B4GALNT4: variants seen among roughly 807,000 people sequenced by gnomAD.
The protein encoded by B4GALNT4 is N-acetyl-beta-glucosaminyl-glycoprotein 4-beta-N-acetylgalactosaminyltransferase 1.
Under a neutral mutation model 110.0 loss-of-function variants are expected in B4GALNT4, and 77 were observed. The ratio of observed to expected loss-of-function variants is 0.70; its 90% confidence interval spans 0.58 to 0.85. B4GALNT4 has a LOEUF of 0.85. B4GALNT4 is among the 40% of genes least tolerant of loss of function. The probability of loss-of-function intolerance (pLI) is 0.00; values close to 1 mark genes in which losing one functional copy is unlikely to be tolerated. For synonymous variants in B4GALNT4, 785 were observed against 655.5 expected (o/e 1.20, Z -3.02); for missense variants, 1,575 against 1,506.0 (o/e 1.05, Z -0.76).
chr11:377,015 T>C lies in B4GALNT4; in HGVS notation c.1892T>C (p.Leu631Ser). 1.4e-6 allele frequency: 2 copies of C among 1,443,920 alleles called. No homozygotes were observed. The highest frequency in any genetic ancestry group is 1.8e-6 in the Non-Finnish European group (2 of 1,102,210). The allele number at this position is 1,443,920 out of a possible 1,614,324, so 89.4% of individuals were successfully genotyped here. A position where few individuals can be genotyped will look rare whatever the true frequency, so the allele number is the denominator to read the frequency against. ...CGGCCCGTGACCTCCTTCCTGAGCT[T>C]GTCCCAGGTGTCCGGGCCGCAGCTG... Reference protein sequence around the residue: ...EARPVTSFLSLSQVSGPQLPG... With the variant: ...EARPVTSFLSSSQVSGPQLPG... Residue 631 changes from leucine to serine, a missense_variant, in exon 14 of 20, where the codon TTG becomes TCG. By Grantham distance (145) the Leu-to-Ser change is moderately radical. Coordinates refer to ENST00000329962, the MANE Select transcript of B4GALNT4 (RefSeq NM_178537.5).
chr11:381,204 C>T (rs1846868771), intron 19 of B4GALNT4: 2 of 935,936 alleles, frequency 2.1e-6, no homozygotes, highest in Non-Finnish European at 2.5e-6. Context: ...CCCATAGGCC[C>T]TGGGTGGCCC....
Position 380,028 on chromosome 11 carries a change from C to T in B4GALNT4, c.2642+9C>T, listed in dbSNP as rs556587237. 6.2e-7 allele frequency: 1 copy of T among 1,610,770 alleles called. No individual in the cohort carries two copies. Among genetic ancestry groups the T allele is most frequent in the Non-Finnish European group, 8.5e-7 (1 of 1,178,262 alleles). On this transcript the variant is annotated intron_variant, in intron 16 of 19. Transcript: ENST00000329962. ...GCCGCGCGCCTGCCCCGGTAACGAC[C>T]CCTACTTCCACCTGGGCGGACCCAG...
intron 1 of B4GALNT4, 82 bp from the exon 2 acceptor site, chr11:372,027 C>G (rs1285398211): frequency 6.7e-6 from 8 of 1,189,642 alleles, no homozygotes; most frequent in Admixed American, 2.1e-5. Context: ...ATGTGGGTCC[C>G]TGGCCCAGCT....
At chr11:370,371 G>T (rs1846595628) in intron 1 of B4GALNT4, among the ~76,000 whole-genome samples, 1 of 152,108 alleles carries the variant, frequency 6.6e-6, no homozygotes, top group African/African-American at 2.4e-5. Flanking sequence ...CGCTTAGCAG[G>T]GCCTCAGTTT....
rs745437258 is a variant in B4GALNT4 at position 377,342 on chromosome 11, G to A, written c.2204+15G>A. 3.0e-5 allele frequency: 45 copies of A among 1,490,614 alleles called. No homozygotes were observed. The South Asian group carries it at 4.5e-4, about 15-fold the overall frequency. 92.3% of individuals were successfully genotyped at this position (1,490,614 alleles called of 1,614,324 possible). ...CGCCACGGCGGGTATGGGGGCGGCC[G>A]AACGCGCGCCAGGGCGGTTTTGGAG... On this transcript the variant is annotated intron_variant, in intron 14 of 19. Transcript: ENST00000329962.
In B4GALNT4 at chr11:369,640, G is replaced by A. The variant is rs1156734742; in HGVS notation, c.-164G>A. 6.9e-6 allele frequency among the ~76,000 whole-genome samples: 1 copy of A among 144,422 alleles called. No individual in the cohort carries two copies. Among genetic ancestry groups the A allele is most frequent in the African/African-American group, 2.5e-5 (1 of 40,258 alleles). The allele number at this position is 144,422 out of a possible 152,430, so 94.7% of individuals were successfully genotyped here. ...CCCGCGGCCGAGGGCGGCCTGGGGG[G>A]GTCGCGGCCGCACCCGGTGGCCGCG... On this transcript the variant is annotated 5_prime_UTR_variant, in exon 1 of 20. Coordinates refer to ENST00000329962, the MANE Select transcript of B4GALNT4 (RefSeq NM_178537.5).
intron 15 of B4GALNT4, 45 bp downstream of exon 15, chr11:379,746 A>T: frequency 1.3e-6 from 2 of 1,503,990 alleles, no homozygotes; most frequent in Non-Finnish European, 1.8e-6. Flanking sequence ...TCGTGGAAGG[A>T]ACATGGACCC....
At chr11:371,608 CTT>C (rs1006381215) in intron 1 of B4GALNT4, among the ~76,000 whole-genome samples, 1 of 152,260 alleles carries the variant, frequency 6.6e-6, no homozygotes. Flanking sequence ...TCAGTCCAGA[CTT>C]TGAGAGCTCA....
intron 1 of B4GALNT4, among the ~76,000 whole-genome samples, chr11:370,958 G>T (rs1357393228): frequency 3.3e-5 from 5 of 152,132 alleles, no homozygotes; most frequent in African/African-American, 1.2e-4. Flanking sequence ...ACCCTCAAGA[G>T]ACCCCCGATA....
chr11:371,817 G>A (rs1350496688), intron 1 of B4GALNT4, among the ~76,000 whole-genome samples: 1 of 152,236 alleles, frequency 6.6e-6, no homozygotes, highest in Admixed American at 6.5e-5. Context: ...CACGCCAGCT[G>A]GCCCACCCGG....
In B4GALNT4 at chr11:376,260, C is replaced by T. The variant is rs761632342; in HGVS notation, c.1206C>T (p.Phe402=). ...CCCCGCCGCGCCCCAGGTTTGGGTT[C>T]TATAAATACATGAAGATGGACAAGG... ...ESPLYLERFG[F]YKYMKMDKEE... is the part of the protein sequence containing the mutation. The change falls in exon 13 of 20, where the codon TTC becomes TTT. Residue 402 remains phenylalanine, a synonymous_variant. Coordinates refer to ENST00000329962, the MANE Select transcript of B4GALNT4 (RefSeq NM_178537.5). 9 of 1,609,250 alleles carry T rather than the reference C, an allele frequency of 5.6e-6. No individual in the cohort carries two copies. In the African/African-American group the frequency reaches 1.1e-4, roughly 19 times the overall value.
chr11:376,203 C>A, intron 12 of B4GALNT4, 29 bp downstream of exon 12: 1 of 197,862 alleles, frequency 5.1e-6, no homozygotes, highest in Non-Finnish European at 9.9e-6. Context: ...TAATGCGGGG[C>A]GGGGTGGGCG....
At chr11:374,113 A>G (rs947841142) in intron 8 of B4GALNT4, among the ~76,000 whole-genome samples, 1 of 151,670 alleles carries the variant, frequency 6.6e-6, no homozygotes, top group African/African-American at 2.4e-5. Context: ...CACCACAAGA[A>G]CAGCGAAGGA....
At chr11:377,447 TG>T (rs2133575982) in intron 14 of B4GALNT4, 120 bp downstream of exon 14, 1 of 1,149,250 alleles carries the variant, frequency 8.7e-7, no homozygotes, top group Non-Finnish European at 1.1e-6. Flanking sequence ...TGTACCGGCC[TG>T]GGGGCTGAGG....
In B4GALNT4 at chr11:376,062, C is replaced by A. The variant is rs1234124606; in HGVS notation, c.1096-12C>A. On this transcript the variant is annotated splice_polypyrimidine_tract_variant and intron_variant, in intron 11 of 19. Coordinates refer to ENST00000329962, the MANE Select transcript of B4GALNT4 (RefSeq NM_178537.5). ...GTCCGCGCCCTGAGCCCTGCGCCCC[C>A]CCACCCCCCAGGTGTACCTGTCCTT... 1.2e-6 allele frequency: 2 copies of A among 1,603,518 alleles called. No homozygotes were observed. The highest frequency in any genetic ancestry group is 1.1e-5 in the South Asian group (1 of 90,812).
At position 377,229 on chromosome 11, in the gene B4GALNT4, C is replaced by T. The variant is rs753067652; in HGVS notation, c.2106C>T (p.Asp702=). ...DFELLRSDWN[D]LRCNVSGNLQ... is the part of the protein sequence containing the mutation. The stretch of plus-strand genomic sequence containing the variant: ...AGCTGCTGCGCTCGGACTGGAACGA[C>T]CTGCGATGCAACGTTTCGGGGAACC... Residue 702 remains aspartate, a synonymous_variant, in exon 14 of 20, where the codon GAC becomes GAT. Coordinates refer to ENST00000329962, the MANE Select transcript of B4GALNT4 (RefSeq NM_178537.5). The T allele has an allele frequency of 3.8e-6, 6 of 1,598,040 alleles. No homozygotes were observed. Among genetic ancestry groups the T allele is most frequent in the African/African-American group, 1.3e-5 (1 of 74,740 alleles).
chr11:380,205 C>A lies in B4GALNT4; in HGVS notation c.2715+3C>A. ...AGGCGGGAGTGGACGCGGTAGAGGT[C>A]CGAGGGCCCCATGGGGGTCGGGGAG... On this transcript the variant is annotated splice_donor_region_variant and intron_variant, in intron 17 of 19. Transcript: ENST00000329962. The A allele has an allele frequency of 6.2e-7, 1 of 1,603,494 alleles. No homozygotes were observed. Among genetic ancestry groups the A allele is most frequent in the Non-Finnish European group, 8.5e-7 (1 of 1,173,178 alleles).
At position 380,312 on chromosome 11, in the gene B4GALNT4, C is replaced by T. The variant is rs541482728; in HGVS notation, c.2736C>T (p.Phe912=). The change falls in exon 18 of 20, where the codon TTC becomes TTT. Residue 912 remains phenylalanine (F), a synonymous_variant. Coordinates refer to ENST00000329962, the MANE Select transcript of B4GALNT4 (RefSeq NM_178537.5). ...CCCAGGACGCCAGCAGCATCGTGTT[C>T]CTCTGCGACCTGCACATCCACTTCC... is the stretch of plus-strand genomic sequence containing the variant. ...DAVEDASSIV[F]LCDLHIHFPP... The T allele has an allele frequency of 5.6e-6, 9 of 1,613,270 alleles. No individual in the cohort carries two copies. In the Admixed American group the frequency reaches 1.2e-4, roughly 21 times the overall value.
At chr11:374,152 G>A (rs894034414) in intron 8 of B4GALNT4, among the ~76,000 whole-genome samples, 8 of 152,046 alleles carry the variant, frequency 5.3e-5, no homozygotes, top group African/African-American at 1.7e-4. Context: ...CCGGGTCTTC[G>A]AGACTAGGAG....
Sources: allele counts gnomAD v4.1 joint callset (sites outside exome capture counted in the v4.1 genomes callset), GRCh38; gene constraint gnomAD v4.1.1; transcripts MANE v1.5; gene names NCBI Gene and HGNC (gene_info 2026-07-23, HGNC 2026-07-21).